PRUNE2: variants seen among roughly 807,000 people sequenced by gnomAD.
PRUNE2 encodes protein prune homolog 2.
A neutral mutation model predicts 252.0 loss-of-function variants in PRUNE2; 164 were observed. That is an observed-to-expected ratio of 0.65 (90% CI 0.57 to 0.74). The LOEUF (loss-of-function observed/expected upper bound fraction) is 0.74, where lower values mean the gene tolerates loss of function less well. Among genes scored for constraint, PRUNE2 ranks in the 30% least tolerant of loss-of-function variants. PRUNE2 has a pLI of 0.00. For missense variants in PRUNE2, 3,495 were observed against 3,711.0 expected, an observed-to-expected ratio of 0.94 and a Z score of 1.51; for synonymous variants, 1,292 against 1,350.2, an observed-to-expected ratio of 0.96 and a Z score of 0.94.
intron 9 of PRUNE2, among the ~76,000 whole-genome samples, chr9:76,672,747 T>A (rs200254598): frequency 0.17 from 23,815 of 137,328 alleles, 2,586 homozygotes; most frequent in East Asian, 0.3. Flanking sequence ...GGATTAAGAA[T>A]CTCACTCAAA....
At chr9:76,806,517 T>C (rs574922507) in intron 6 of PRUNE2, among the ~76,000 whole-genome samples, 1,640 of 151,084 alleles carry the variant, frequency 0.011, 12 homozygotes, top group Non-Finnish European at 0.017. Flanking sequence ...TCTTTTTTTT[T>C]TTTTTTTTGA....
At chr9:76,846,237 T>C (rs559941677) in intron 4 of PRUNE2, among the ~76,000 whole-genome samples, 38 of 152,324 alleles carry the variant, frequency 2.5e-4, no homozygotes, top group African/African-American at 9.1e-4. Flanking sequence ...CCAGAGGTGC[T>C]ATTCCAGCTC....
chr9:76,750,093 C>A (rs1456653432), intron 6 of PRUNE2, among the ~76,000 whole-genome samples: 2 of 152,056 alleles, frequency 1.3e-5, no homozygotes, highest in African/African-American at 2.4e-5. Context: ...ACAGAAGCTC[C>A]TATGCTCAGG....
intron 1 of PRUNE2, among the ~76,000 whole-genome samples, chr9:76,903,160 A>G (rs1371613128): frequency 6.6e-6 from 1 of 152,244 alleles, no homozygotes; most frequent in Non-Finnish European, 1.5e-5. Context: ...AGAAAAAAAG[A>G]CACACAATTT....
At chr9:76,724,209 A>G (rs2047896876) in intron 6 of PRUNE2, among the ~76,000 whole-genome samples, 1 of 147,336 alleles carries the variant, frequency 6.8e-6, no homozygotes, top group East Asian at 2.1e-4. Flanking sequence ...TTATAATCGC[A>G]GCACTTTGGG....
chr9:76,795,380 A>ACC lies in PRUNE2; in HGVS notation c.756+28250_756+28251dup, dbSNP rs1215601459. Among the ~76,000 whole-genome samples the ACC allele has an allele frequency of 2.6e-5, 4 of 152,064 alleles. No homozygotes were observed. In the South Asian group the frequency reaches 8.3e-4, roughly 32 times the overall value. On this transcript the variant is annotated intron_variant, in intron 6 of 18. Transcript: ENST00000376718. ...GAGAGAAGTCAGGCACTAGACCCAG[A>ACC]CCCCTGCCTTTGAGAGGGGTCTTAT... is the stretch of plus-strand genomic sequence containing the variant.
chr9:76,873,700 G>T (rs962304981), intron 1 of PRUNE2, among the ~76,000 whole-genome samples: 9 of 152,192 alleles, frequency 5.9e-5, no homozygotes, highest in South Asian at 4.1e-4. Context: ...ACAAACCCAT[G>T]ATGAAAGCTT....
intron 11 of PRUNE2, among the ~76,000 whole-genome samples, chr9:76,646,168 C>T (rs1844770728): frequency 6.6e-6 from 1 of 152,136 alleles, no homozygotes. Context: ...CTTGAATAAC[C>T]TTTAATATTC....
intron 7 of PRUNE2, among the ~76,000 whole-genome samples, chr9:76,712,987 T>C (rs1278891984): frequency 6.6e-6 from 1 of 152,214 alleles, no homozygotes; most frequent in African/African-American, 2.4e-5. Flanking sequence ...TGGCTCCTAT[T>C]ATAATGAATC....
At chr9:76,628,453 ATTTC>A (rs1038242466) in intron 16 of PRUNE2, among the ~76,000 whole-genome samples, 5 of 152,200 alleles carry the variant, frequency 3.3e-5, no homozygotes, top group African/African-American at 4.8e-5. Context: ...AGAAAGAGTT[ATTTC>A]TTTCTATTTT....
Position 76,611,408 on chromosome 9 carries a change from G to A in PRUNE2, c.*3162C>T, listed in dbSNP as rs1587539488. The stretch of plus-strand genomic sequence containing the variant: ...TCAATTTTTATTTCTGAATTATACA[G>A]TGAGGCTATATAGATATATTGTGTC... On this transcript the variant is annotated 3_prime_UTR_variant, in exon 19 of 19. Transcript: ENST00000376718. The A allele has an allele frequency of 2.6e-5, 4 of 152,278 alleles. No individual in the cohort carries two copies. The highest frequency in any genetic ancestry group is 2.6e-4 in the Admixed American group (4 of 15,302). 9.4% of individuals were successfully genotyped at this position (152,278 alleles called of 1,614,324 possible). A position where few individuals can be genotyped will look rare whatever the true frequency, so the allele number is the denominator to read the frequency against.
chr9:76,876,547 A>T (rs1006950906), intron 1 of PRUNE2, among the ~76,000 whole-genome samples: 1 of 151,818 alleles, frequency 6.6e-6, no homozygotes, highest in Non-Finnish European at 1.5e-5. Context: ...TTTCTGTGCT[A>T]CTCGGGGCTC....
At chr9:76,666,815 C>T (rs1352029805) in intron 9 of PRUNE2, among the ~76,000 whole-genome samples, 1 of 152,162 alleles carries the variant, frequency 6.6e-6, no homozygotes, top group Non-Finnish European at 1.5e-5. Context: ...GGGAGAAAAA[C>T]CCACTGACCC....
rs377461188 is a variant in PRUNE2, at chr9:76,711,331, T to G, written c.943A>C (p.Asn315His). The change falls in exon 8 of 19, where the codon AAC becomes CAC. Residue 315 changes from asparagine to histidine, a missense_variant. Coordinates refer to ENST00000376718, the MANE Select transcript of PRUNE2 (RefSeq NM_015225.3). ...AAGGGCTCCAGTTCTAGGCAAGGGT[T>G]CTGACACTCTTCCAGCTCACAGCAA... ...QICCELEECQ[N>H]PCLELEPFDC... is the part of the protein sequence containing the mutation. The G allele has an allele frequency of 2.7e-5, 44 of 1,612,890 alleles. No homozygotes were observed. In the African/African-American group the frequency reaches 5.5e-4, roughly 20 times the overall value.
At chr9:76,801,038 TAC>T (rs1293953348) in intron 6 of PRUNE2, among the ~76,000 whole-genome samples, 1 of 152,186 alleles carries the variant, frequency 6.6e-6, no homozygotes, top group East Asian at 1.9e-4. Flanking sequence ...ACGCAAAGGT[TAC>T]ACACACATGC....
In PRUNE2 at chr9:76,709,219, A is replaced by ATGACTGTGGCAG; in HGVS notation, c.3054_3055insCTGCCACAGTCA (p.Ser1018_Ser1019insLeuProGlnSer). 2 of 1,610,434 alleles carry ATGACTGTGGCAG rather than the reference A, an allele frequency of 1.2e-6. No individual in the cohort carries two copies. Among genetic ancestry groups the ATGACTGTGGCAG allele is most frequent in the Non-Finnish European group, 8.5e-7 (1 of 1,177,404 alleles). ...GGACCTGAACTGATTCGATTTCGAG[A>ATGACTGTGGCAG]TGACTGTTGCAGTGACTGAGGAGGA... On this transcript the variant is annotated inframe_insertion, in exon 8 of 19. Transcript: ENST00000376718.
chr9:76,708,235 A>G lies in PRUNE2; in HGVS notation c.4039T>C (p.Ser1347Pro). The change falls in exon 8 of 19, where the codon TCT becomes CCT. Residue 1347 changes from serine to proline, a missense_variant. By Grantham distance (74) the Ser-to-Pro change is moderately conservative. Transcript: ENST00000376718. ...ATCCCTGAGGCATTCTCCACACCAG[A>G]GGCGATCACCTCCTCTTCATCAAGG... is the stretch of plus-strand genomic sequence containing the variant. ...GHLDEEEVIA[S>P]GVENASGISE... The G allele has an allele frequency of 6.2e-7, 1 of 1,613,934 alleles. No homozygotes were observed. Among genetic ancestry groups the G allele is most frequent in the Non-Finnish European group, 8.5e-7 (1 of 1,179,890 alleles).
At chr9:76,740,005 A>T (rs2049446037) in intron 6 of PRUNE2, 1 of 152,168 alleles carries the variant, frequency 6.6e-6, no homozygotes. Flanking sequence ...GAATTGGGTG[A>T]ACCTGGGAGG....
intron 3 of PRUNE2, among the ~76,000 whole-genome samples, chr9:76,847,418 G>GT (rs11352993): frequency 1.3e-5 from 2 of 151,204 alleles, no homozygotes; most frequent in South Asian, 2.1e-4. Flanking sequence ...CATTGTATAA[G>GT]TTTTTTTTAA....
Sources: gnomAD v4.1 joint callset for allele counts (sites outside exome capture counted in the v4.1 genomes callset) on GRCh38, gnomAD v4.1.1 for gene constraint, MANE v1.5 for transcripts, NCBI Gene and HGNC (gene_info 2026-07-23, HGNC 2026-07-21) for gene names.